Variants in NLRP1 observed in about 807,000 individuals in gnomAD.
NLRP1 encodes the protein NACHT, LRR and PYD domains-containing protein 1.
Under a neutral mutation model 136.7 loss-of-function variants are expected in NLRP1, and 94 were observed. The ratio of observed to expected loss-of-function variants is 0.69; its 90% CI spans 0.58 to 0.82. The LOEUF (loss-of-function observed/expected upper bound fraction) is 0.82. Ranked by LOEUF, NLRP1 falls within the 40% of genes least tolerant of loss-of-function variation. The pLI, the probability that NLRP1 is intolerant of heterozygous loss-of-function variation, is 0.00. For missense variants in NLRP1, 1,575 were observed against 1,802.7 expected, an observed-to-expected ratio of 0.87 and a Z score of 2.29; for synonymous variants, 690 against 725.1, an observed-to-expected ratio of 0.95 and a Z score of 0.78.
intron 7 of NLRP1, among the ~76,000 whole-genome samples, chr17:5,538,478 T>C (rs1357240397): frequency 6.6e-6 from 1 of 152,194 alleles, no homozygotes; most frequent in African/African-American, 2.4e-5. Context: ...CTGACGTCAC[T>C]GTCTCAGGGA....
At chr17:5,539,369 C>A (rs201814935) in intron 7 of NLRP1, 46 bp downstream of exon 7, 1 of 1,557,226 alleles carries the variant, frequency 6.4e-7, no homozygotes, top group Admixed American at 1.9e-5. Flanking sequence ...TCCGATACCC[C>A]CCCAACCCTC....
rs112809392 is a variant in NLRP1 at position 5,566,739 on chromosome 17, G to A, written c.653-6696C>T. ...TGCTGATTTTCTGTCTGGAAGATAC[G>A]TCCAATGCTAAAAGTGGGGTGTTAA... On this transcript the variant is annotated intron_variant, in intron 3 of 16. Transcript: ENST00000572272. 0.011 allele frequency among the ~76,000 whole-genome samples: 1,684 copies of A among 152,164 alleles called. 132 individuals carry two copies. The South Asian group carries it at 0.17, about 15-fold the overall frequency.
At chr17:5,517,920 T>C in intron 14 of NLRP1, 33 bp from the exon 15 acceptor site, 4 of 1,611,756 alleles carry the variant, frequency 2.5e-6, no homozygotes, top group Non-Finnish European at 2.5e-6. Flanking sequence ...TGCCACCCTG[T>C]TCATCTTGCA....
At chr17:5,519,205 T>C (rs1227072872) in intron 14 of NLRP1, among the ~76,000 whole-genome samples, 2 of 152,040 alleles carry the variant, frequency 1.3e-5, no homozygotes, top group East Asian at 3.9e-4. Context: ...GGTTTCACTG[T>C]GTTAGCCAGG....
rs1276255986 is a variant in NLRP1 at position 5,544,074 on chromosome 17, G to C, written c.2529-2047C>G. Among the ~76,000 whole-genome samples, 9 of 152,120 alleles carry C rather than the reference G, an allele frequency of 5.9e-5. No homozygotes were observed. In the East Asian group the frequency reaches 1.5e-3, roughly 26 times the overall value. ...GTAGGTGAAGTCTGATGGGACCATG[G>C]AGCCTCAGCTCATAGGTGATGCCAT... On this transcript the variant is annotated intron_variant, in intron 5 of 16. Transcript: ENST00000572272.
At chr17:5,523,467 C>T (rs1198213947) in intron 12 of NLRP1, among the ~76,000 whole-genome samples, 1 of 152,030 alleles carries the variant, frequency 6.6e-6, no homozygotes, top group Non-Finnish European at 1.5e-5. Context: ...TCACTATCTT[C>T]CCCCCCGCTT....
intron 15 of NLRP1, among the ~76,000 whole-genome samples, chr17:5,508,910 C>T (rs904053080): frequency 6.6e-6 from 1 of 152,134 alleles, no homozygotes; most frequent in Admixed American, 6.5e-5. Flanking sequence ...ACTTGTGCAC[C>T]ATGGTTATAT....
intron 5 of NLRP1, among the ~76,000 whole-genome samples, chr17:5,551,956 G>A (rs1040735095): frequency 5.3e-5 from 8 of 151,946 alleles, no homozygotes; most frequent in East Asian, 1.9e-4. Context: ...TTATGTTTTT[G>A]TAGAGACAGA....
At chr17:5,562,397 G>A (rs748057909) in intron 3 of NLRP1, among the ~76,000 whole-genome samples, 2 of 152,236 alleles carry the variant, frequency 1.3e-5, no homozygotes, top group Admixed American at 6.5e-5. Flanking sequence ...TCTGCAGGGC[G>A]GACCCAGCAA....
At position 5,536,845 on chromosome 17, in the gene NLRP1, C is replaced by A. The variant is rs371795707; in HGVS notation, c.2960+6G>T. 4 of 1,607,252 alleles carry A rather than the reference C, an allele frequency of 2.5e-6. No homozygotes were observed. The highest frequency in any genetic ancestry group is 3.4e-6 in the Non-Finnish European group (4 of 1,173,960). ...CAGCCAGAGGGAGTTCTGGGTCCCCCCTTACCGTCTGCTGAAGATGAGCAG... is the reference window on the plus strand; with the variant it reads ...CAGCCAGAGGGAGTTCTGGGTCCCCACTTACCGTCTGCTGAAGATGAGCAG... On this transcript the variant is annotated splice_donor_region_variant and intron_variant, in intron 8 of 16. Transcript: ENST00000572272.
intron 15 of NLRP1, among the ~76,000 whole-genome samples, chr17:5,516,131 T>A (rs1908079748): frequency 2.7e-5 from 4 of 147,800 alleles, no homozygotes; most frequent in Admixed American, 2.0e-4. Flanking sequence ...GTACAAGGCC[T>A]GAGAGTCTGA....
intron 11 of NLRP1, 43 bp downstream of exon 11, chr17:5,532,779 G>A (rs1366956912): frequency 2.0e-6 from 3 of 1,535,726 alleles, no homozygotes; most frequent in Middle Eastern, 1.8e-4. Context: ...GGGCAGTGGG[G>A]TGCGGGAGGC....
intron 15 of NLRP1, among the ~76,000 whole-genome samples, chr17:5,506,171 C>T (rs187389490): frequency 3.3e-5 from 5 of 151,856 alleles, no homozygotes; most frequent in Admixed American, 3.3e-4. Flanking sequence ...GTAATCACGG[C>T]TACCCGAGAG....
chr17:5,541,868 T>C lies in NLRP1; in HGVS notation c.2688A>G (p.Leu896=), dbSNP rs770575578. The change falls in exon 6 of 17, where the codon CTA becomes CTG. Residue 896 remains leucine (L), a synonymous_variant. Transcript: ENST00000572272. The surrounding 1 kb of genome is among the most constrained non-coding windows in gnomAD (Gnocchi z 4.2). ...CCAAGAACAATTACTGCAGTCGCTG[T>C]AGCTTGCAGCTCGGCTGTCTCAGTC... ...CQRLRQPSCK[L]QRLQLVSCGL... 6.2e-7 allele frequency: 1 copy of C among 1,614,086 alleles called. No individual in the cohort carries two copies. The highest frequency in any genetic ancestry group is 1.1e-5 in the South Asian group (1 of 91,076).
chr17:5,567,971 T>A (rs916025609), intron 3 of NLRP1, among the ~76,000 whole-genome samples: 4 of 152,170 alleles, frequency 2.6e-5, no homozygotes, highest in Non-Finnish European at 5.9e-5. Context: ...TCTTTTCTCT[T>A]GCTGCTTTTA....
downstream of NLRP1, among the ~76,000 whole-genome samples, chr17:5,511,181 A>T (rs769118520): frequency 2.2e-4 from 33 of 152,230 alleles, no homozygotes; most frequent in Admixed American, 1.2e-3. Flanking sequence ...TTGTAATCCC[A>T]GCACTTTAGG....
intron 3 of NLRP1, among the ~76,000 whole-genome samples, chr17:5,565,286 C>T (rs1915210865): frequency 6.6e-6 from 1 of 152,190 alleles, no homozygotes; most frequent in African/African-American, 2.4e-5. Context: ...ATATCTTCTT[C>T]TGAGAAACGT....
chr17:5,514,524 C>T lies in NLRP1; in HGVS notation c.*230G>A, dbSNP rs1597389904. 2 of 1,397,946 alleles carry T rather than the reference C, an allele frequency of 1.4e-6. No individual in the cohort carries two copies. The highest frequency in any genetic ancestry group is 1.5e-5 in the South Asian group (1 of 65,356). 86.6% of individuals were successfully genotyped at this position (1,397,946 alleles called of 1,614,324 possible). On this transcript the variant is annotated 3_prime_UTR_variant, in exon 17 of 17. Transcript: ENST00000572272. ...CTCTATGAGGTCTGCAGGGGTCTTG[C>T]CAGCTCCAGATGGACATTCCCTGAG...
At chr17:5,542,712 TTCCCTCCC>T (rs765196772) in intron 5 of NLRP1, among the ~76,000 whole-genome samples, 1 of 148,564 alleles carries the variant, frequency 6.7e-6, no homozygotes, top group East Asian at 2.0e-4. Context: ...TTTTGCCCAT[TTCCCTCCC>T]TCCCTCCCTC....
Sources: gnomAD v4.1 joint callset for allele counts (sites outside exome capture counted in the v4.1 genomes callset) on GRCh38, gnomAD v4.1.1 for gene constraint, Gnocchi (gnomAD v3.1) non-coding constraint, MANE v1.5 for transcripts, NCBI Gene and HGNC (gene_info 2026-07-23, HGNC 2026-07-21) for gene names.